DAOA: variants seen among roughly 807,000 people sequenced by gnomAD.
DAOA encodes the protein D-amino acid oxidase activator, also known as D-amino acid oxidase regulator.
Under a neutral mutation model 16.4 loss-of-function variants are expected in DAOA, and 15 were observed. The observed-to-expected ratio is 0.91, with a 90% CI of 0.61 to 1.41. DAOA has a LOEUF of 1.41. DAOA is among the 40% of genes most tolerant of loss of function. The pLI is 0.00. For missense variants in DAOA, 230 were observed against 176.8 expected (o/e 1.30, Z -1.71); for synonymous variants, 75 against 59.1 (o/e 1.27, Z -1.23).
intron 4 of DAOA, among the ~76,000 whole-genome samples, chr13:105,480,563 G>T (rs944884848): frequency 1.3e-5 from 2 of 148,306 alleles, no homozygotes; most frequent in Non-Finnish European, 3.0e-5. Flanking sequence ...TAGATAGATA[G>T]ATAGATAGCA....
intron 4 of DAOA, among the ~76,000 whole-genome samples, chr13:105,487,451 CTT>C (rs367952815): frequency 1.3e-5 from 2 of 152,258 alleles, no homozygotes; most frequent in African/African-American, 4.8e-5. Flanking sequence ...CTGGCAAACA[CTT>C]TTAACATTCC....
intron 4 of DAOA, among the ~76,000 whole-genome samples, chr13:105,478,030 C>G (rs6491961): frequency 0.33 from 49,558 of 151,998 alleles, 8,180 homozygotes; most frequent in Non-Finnish European, 0.34. Context: ...TTATTTAACA[C>G]TCTGTAATGA....
chr13:105,485,301 C>CA (rs925763773), intron 4 of DAOA, among the ~76,000 whole-genome samples: 2 of 151,350 alleles, frequency 1.3e-5, no homozygotes, highest in Non-Finnish European at 2.9e-5. Flanking sequence ...CTTGGCATGT[C>CA]AAAAAAATGA....
In DAOA at chr13:105,467,059, A is replaced by G; in HGVS notation, c.51A>G (p.Arg17=). The stretch of plus-strand genomic sequence containing the variant: ...TATTTTCTTTAATTTTTAGATCCAG[A>G]TATACATTGGGTAAAATCTACTTCA... ...GADSLQLFRS[R]YTLGKIYFIG... Residue 17 remains arginine, a synonymous_variant, in exon 3 of 6, where the codon AGA becomes AGG. Transcript: ENST00000375936. 1 of 1,610,378 alleles carries G rather than the reference A, an allele frequency of 6.2e-7. No homozygotes were observed. The highest frequency in any genetic ancestry group is 8.5e-7 in the Non-Finnish European group (1 of 1,178,244).
intron 3 of DAOA, among the ~76,000 whole-genome samples, chr13:105,469,620 A>G (rs1007184238): frequency 1.3e-5 from 2 of 152,226 alleles, no homozygotes; most frequent in Non-Finnish European, 2.9e-5. Context: ...TACAAACTCA[A>G]GGTTATAAAC....
chr13:105,487,043 T>C (rs1234494276), intron 4 of DAOA, among the ~76,000 whole-genome samples: 8 of 152,142 alleles, frequency 5.3e-5, no homozygotes, highest in Admixed American at 4.6e-4. Flanking sequence ...CCTTAGATTA[T>C]TGGATTACAG....
Position 105,466,259 on chromosome 13 carries a change from A to T in DAOA, c.-30A>T. The T allele has an allele frequency of 1.2e-6, 2 of 1,613,946 alleles. No homozygotes were observed. Among genetic ancestry groups the T allele is most frequent in the Non-Finnish European group, 1.7e-6 (2 of 1,179,880 alleles). ...CAGGAGGTCTCATCTCTGCTTCACA[A>T]TGCCGATGATTTAGCTGGGAGGACC... is the stretch of plus-strand genomic sequence containing the variant. On this transcript the variant is annotated 5_prime_UTR_variant, in exon 2 of 6. The change abolishes an upstream ATG in the 5' untranslated region. Transcript: ENST00000375936.
intron 4 of DAOA, among the ~76,000 whole-genome samples, chr13:105,478,452 T>C (rs1877494042): frequency 6.6e-6 from 1 of 152,168 alleles, no homozygotes; most frequent in Non-Finnish European, 1.5e-5. Context: ...ACTAGGACAA[T>C]AGCAGCTTTT....
chr13:105,477,021 G>C (rs1877387448), intron 4 of DAOA: 1 of 152,178 alleles, frequency 6.6e-6, no homozygotes, highest in African/African-American at 2.4e-5. Context: ...GTAGCCACAA[G>C]CTAGTGGAAG....
At chr13:105,472,445 C>T in intron 3 of DAOA, 93 bp from the exon 4 acceptor site, 2 of 1,409,932 alleles carry the variant, frequency 1.4e-6, no homozygotes, top group East Asian at 2.6e-5. Flanking sequence ...TGGACAATTC[C>T]TACAATCGCT....
At chr13:105,474,429 C>G (rs7491171) in intron 4 of DAOA, among the ~76,000 whole-genome samples, 3 of 151,970 alleles carry the variant, frequency 2.0e-5, no homozygotes, top group African/African-American at 7.2e-5. Context: ...TATTGTCTTA[C>G]TAATGGCACT....
intron 3 of DAOA, among the ~76,000 whole-genome samples, chr13:105,471,792 T>C (rs1042260980): frequency 3.9e-5 from 6 of 152,346 alleles, no homozygotes; most frequent in Non-Finnish European, 8.8e-5. Context: ...GAAAGTCAAT[T>C]GCATTTATAT....
chr13:105,468,264 C>T (rs1205045115), intron 3 of DAOA, among the ~76,000 whole-genome samples: 1 of 152,224 alleles, frequency 6.6e-6, no homozygotes, highest in African/African-American at 2.4e-5. Flanking sequence ...CAAGATTCCA[C>T]AGGTTTTCAG....
At chr13:105,472,980 G>A (rs544342392) in intron 4 of DAOA, among the ~76,000 whole-genome samples, 3 of 152,212 alleles carry the variant, frequency 2.0e-5, no homozygotes, top group East Asian at 3.9e-4. Flanking sequence ...CATATCATCA[G>A]TAAATCTGGA....
chr13:105,478,470 G>T (rs75314686), intron 4 of DAOA, among the ~76,000 whole-genome samples: 2,822 of 152,204 alleles, frequency 0.019, 36 homozygotes, highest in African/African-American at 0.03. Context: ...TTTCTTAGGG[G>T]CTTATATAAA....
At chr13:105,480,426 T>C (rs1877635442) in intron 4 of DAOA, among the ~76,000 whole-genome samples, 1 of 152,004 alleles carries the variant, frequency 6.6e-6, no homozygotes, top group African/African-American at 2.4e-5. Context: ...GCCACTTGGT[T>C]TTGGTTTGCT....
chr13:105,467,381 G>A (rs1191321273), intron 3 of DAOA, among the ~76,000 whole-genome samples: 1 of 152,128 alleles, frequency 6.6e-6, no homozygotes, highest in Non-Finnish European at 1.5e-5. Context: ...AACTTATGAA[G>A]AGATCGATAT....
At chr13:105,470,853 C>T (rs958943283) in intron 3 of DAOA, among the ~76,000 whole-genome samples, 4 of 151,964 alleles carry the variant, frequency 2.6e-5, no homozygotes, top group Non-Finnish European at 4.4e-5. Context: ...TGCAGTGACA[C>T]GATCTCAGCT....
At chr13:105,468,443 TCTTA>T (rs1311212793) in intron 3 of DAOA, among the ~76,000 whole-genome samples, 1 of 152,228 alleles carries the variant, frequency 6.6e-6, no homozygotes, top group Non-Finnish European at 1.5e-5. Context: ...TAGATGCTCA[TCTTA>T]CTTTTAATTT....
Sources: allele counts gnomAD v4.1 joint callset (sites outside exome capture counted in the v4.1 genomes callset), GRCh38; gene constraint gnomAD v4.1.1; transcripts MANE v1.5; gene names NCBI Gene and HGNC (gene_info 2026-07-23, HGNC 2026-07-21).